The following AOPEP variants were observed in gnomAD, a reference collection of about 807,000 sequenced individuals.
The protein encoded by AOPEP is aminopeptidase O (putative).
A neutral mutation model predicts 98.1 loss-of-function variants in AOPEP; 77 were observed. That is an observed-to-expected ratio of 0.78 (90% CI 0.65 to 0.95). The LOEUF (loss-of-function observed/expected upper bound fraction) is 0.95. AOPEP is among the 40% of genes least tolerant of loss of function. AOPEP has a pLI of 0.00. For synonymous variants in AOPEP, 346 were observed against 365.3 expected (o/e 0.95, Z 0.60); for missense variants, 1,024 against 1,024.7 (o/e 1.00, Z 0.01).
intron 13 of AOPEP, among the ~76,000 whole-genome samples, chr9:95,045,505 G>T (rs1268469168): frequency 6.6e-6 from 1 of 152,226 alleles, no homozygotes; most frequent in African/African-American, 2.4e-5. Flanking sequence ...AAGCCTTCTT[G>T]TTCCGGTCTT....
At chr9:95,125,008 A>G in the AOPEP span, 2 of 1,228,464 alleles carry the variant, frequency 1.6e-6, no homozygotes, top group African/African-American at 1.5e-5. Context: ...TATTGAAAAT[A>G]AAGTGCTCTT....
chr9:94,820,237 C>T (rs144672792), intron 5 of AOPEP, among the ~76,000 whole-genome samples: 5 of 152,216 alleles, frequency 3.3e-5, no homozygotes, highest in East Asian at 1.9e-4. Context: ...TGAGCCACCG[C>T]GCCTGGCCAG....
intron 1 of AOPEP, among the ~76,000 whole-genome samples, chr9:94,755,225 C>T (rs2132327147): frequency 6.6e-6 from 1 of 152,260 alleles, no homozygotes; most frequent in South Asian, 2.1e-4. Context: ...GTGAGACAGG[C>T]TGGCATTTTG....
At chr9:95,036,702 C>CTTCTTTTTTTT (rs142297044) in intron 13 of AOPEP, among the ~76,000 whole-genome samples, 102 of 135,792 alleles carry the variant, frequency 7.5e-4, no homozygotes, top group Non-Finnish European at 1.0e-3. Context: ...TCTTCTTCTT[C>CTTCTTTTTTTT]TTTTTTTTTT....
At chr9:94,793,510 C>T (rs1192462685) in intron 4 of AOPEP, among the ~76,000 whole-genome samples, 1 of 151,926 alleles carries the variant, frequency 6.6e-6, no homozygotes, top group Non-Finnish European at 1.5e-5. Context: ...AACCCCATCT[C>T]TACTAAAAAT....
chr9:94,844,882 G>A (rs560011452), intron 5 of AOPEP, among the ~76,000 whole-genome samples: 1 of 151,986 alleles, frequency 6.6e-6, no homozygotes, highest in Non-Finnish European at 1.5e-5. Flanking sequence ...GTGAGGCCAG[G>A]GTACAAGTTA....
chr9:95,104,035 G>A, the AOPEP span, among the ~76,000 whole-genome samples: 211 of 152,284 alleles, frequency 1.4e-3, 1 homozygote, highest in African/African-American at 4.9e-3. Context: ...CCAAGCTGTA[G>A]GAGGGAAAGG....
intron 13 of AOPEP, among the ~76,000 whole-genome samples, chr9:95,020,560 T>C (rs1381865975): frequency 6.6e-6 from 1 of 152,012 alleles, no homozygotes; most frequent in African/African-American, 2.4e-5. Flanking sequence ...CACAGATTAT[T>C]TGACATTTTT....
chr9:94,777,011 C>A (rs1209511181), intron 3 of AOPEP, among the ~76,000 whole-genome samples: 2 of 151,312 alleles, frequency 1.3e-5, no homozygotes, highest in East Asian at 3.9e-4. Flanking sequence ...TATGAACAAT[C>A]CTTGGCTAGG....
chr9:94,738,848 A>G (rs1832402487), intron 1 of AOPEP, among the ~76,000 whole-genome samples: 1 of 152,252 alleles, frequency 6.6e-6, no homozygotes, highest in South Asian at 2.1e-4. Flanking sequence ...TGCTGGGATT[A>G]CAGGCGTGAG....
At chr9:94,761,116 C>G (rs760240458) in intron 2 of AOPEP, among the ~76,000 whole-genome samples, 61 of 152,146 alleles carry the variant, frequency 4.0e-4, no homozygotes, top group Non-Finnish European at 7.2e-4. Context: ...CGTGACCCCC[C>G]CCAAAGCATA....
chr9:94,820,677 T>C (rs1852869038), intron 5 of AOPEP, among the ~76,000 whole-genome samples: 2 of 152,230 alleles, frequency 1.3e-5, no homozygotes, highest in Non-Finnish European at 2.9e-5. Context: ...CCTGCCATAT[T>C]GTGGGAGGTA....
chr9:95,131,375 A>G, the AOPEP span, among the ~76,000 whole-genome samples: 22 of 152,218 alleles, frequency 1.4e-4, no homozygotes, highest in African/African-American at 5.3e-4. Context: ...CTGAGTGGCA[A>G]TGACCCCTAC....
intron 7 of AOPEP, among the ~76,000 whole-genome samples, chr9:94,945,817 C>A (rs192131521): frequency 6.6e-6 from 1 of 151,966 alleles, no homozygotes; most frequent in African/African-American, 2.4e-5. Context: ...CAGAAGAAGT[C>A]GTGATTTTTT....
the AOPEP span, chr9:95,125,282 T>C: frequency 3.3e-5 from 32 of 955,422 alleles, no homozygotes; most frequent in Non-Finnish European, 4.7e-5. Flanking sequence ...ACACTTTTTT[T>C]GTGCCATAAG....
the AOPEP span, among the ~76,000 whole-genome samples, chr9:95,104,820 T>C: frequency 4.6e-5 from 7 of 152,128 alleles, no homozygotes; most frequent in Non-Finnish European, 1.0e-4. Flanking sequence ...GAGCTGGAAT[T>C]GTCCTTGTCA....
chr9:94,772,905 T>G lies in AOPEP; in HGVS notation c.798-97T>G, dbSNP rs913324806. ...ACTACAAAGTTTCAAATGTTTTCTTTGAAAGCTCAACTTAACCTGCACTAC... is the reference window on the plus strand; with the variant it reads ...ACTACAAAGTTTCAAATGTTTTCTTGGAAAGCTCAACTTAACCTGCACTAC... On this transcript the variant is annotated intron_variant, in intron 2 of 16. Coordinates refer to ENST00000375315, the MANE Select transcript of AOPEP (RefSeq NM_001193329.3). 3 of 1,219,508 alleles carry G rather than the reference T, an allele frequency of 2.5e-6. No individual in the cohort carries two copies. In the African/African-American group the frequency reaches 4.5e-5, roughly 18 times the overall value. 75.5% of individuals were successfully genotyped at this position (1,219,508 alleles called of 1,614,324 possible). A position where few individuals can be genotyped will look rare whatever the true frequency, so the allele number is the denominator to read the frequency against.
At chr9:94,969,994 A>G (rs1373973388) in intron 10 of AOPEP, among the ~76,000 whole-genome samples, 2 of 152,130 alleles carry the variant, frequency 1.3e-5, no homozygotes, top group African/African-American at 4.8e-5. Flanking sequence ...ATGCTACCAG[A>G]CTAGGTGGAG....
At position 94,833,039 on chromosome 9, in the gene AOPEP, G is replaced by A. The variant is rs561189092; in HGVS notation, c.1364+32037G>A. Reference sequence around the variant, plus strand: ...CAGACTCCGCCTCCTGGGTTCAAGCGATTCTGCTGCCTCAGCCTCCTGAGC... The same window carrying A: ...CAGACTCCGCCTCCTGGGTTCAAGCAATTCTGCTGCCTCAGCCTCCTGAGC... On this transcript the variant is annotated intron_variant, in intron 5 of 16. Coordinates refer to ENST00000375315, the MANE Select transcript of AOPEP (RefSeq NM_001193329.3). Among the ~76,000 whole-genome samples, 4 of 151,530 alleles carry A rather than the reference G, an allele frequency of 2.6e-5. No homozygotes were observed. The Middle Eastern group carries it at 0.01, about 387-fold the overall frequency.
Sources: allele counts gnomAD v4.1 joint callset (sites outside exome capture counted in the v4.1 genomes callset), GRCh38; gene constraint gnomAD v4.1.1; transcripts MANE v1.5; gene names NCBI Gene and HGNC (gene_info 2026-07-23, HGNC 2026-07-21).